The following MAP4K5 variants were observed in gnomAD, a reference collection of about 807,000 sequenced individuals.
MAP4K5 encodes the protein mitogen-activated protein kinase kinase kinase kinase 5.
Under a neutral mutation model 135.6 loss-of-function variants are expected in MAP4K5, and 82 were observed. The observed-to-expected ratio is 0.60, with a 90% confidence interval of 0.51 to 0.73. The LOEUF is 0.73. Ranked by LOEUF, MAP4K5 falls within the 30% of genes least tolerant of loss-of-function variation. MAP4K5 has a pLI of 0.00. For synonymous variants in MAP4K5, 347 were observed against 335.0 expected (o/e 1.04, Z -0.39); for missense variants, 907 against 1,010.9 (o/e 0.90, Z 1.39).
At chr14:50,453,940 T>A (rs2036545851) in intron 14 of MAP4K5, among the ~76,000 whole-genome samples, 1 of 152,136 alleles carries the variant, frequency 6.6e-6, no homozygotes, top group Non-Finnish European at 1.5e-5. Context: ...ACTGATTGGG[T>A]GTGATTCATA....
rs1490412003 is a variant in MAP4K5, at chr14:50,546,762, A to G, written c.-179-4178T>C. ...TTGTGTGGTTTTTTTGACAAATAAG[A>G]CTAATTTAATATAGTTGGTTCAATG... is the stretch of plus-strand genomic sequence containing the variant. On this transcript the variant is annotated intron_variant, in intron 1 of 8. Transcript: ENST00000555216. 2.0e-5 allele frequency among the ~76,000 whole-genome samples: 3 copies of G among 152,160 alleles called. 1 individual carries two copies. Among genetic ancestry groups the G allele is most frequent in the African/African-American group, 7.2e-5 (3 of 41,422 alleles).
intron 2 of MAP4K5, among the ~76,000 whole-genome samples, chr14:50,509,872 GA>G (rs2037895381): frequency 2.0e-5 from 3 of 152,030 alleles, no homozygotes; most frequent in African/African-American, 7.2e-5. Context: ...AAACATCTTT[GA>G]ACATACAGTA....
Position 50,508,758 on chromosome 14 carries a change from T to C in MAP4K5, c.109-3901A>G, listed in dbSNP as rs139339884. Among the ~76,000 whole-genome samples, 41 of 150,456 alleles carry C rather than the reference T, an allele frequency of 2.7e-4. No individual in the cohort carries two copies. The East Asian group carries it at 4.9e-3, about 18-fold the overall frequency. ...AGATGCTGGTGAGGATGTGGAGAAA[T>C]AGAAACACTTTGACACTGTTGGTGG... On this transcript the variant is annotated intron_variant, in intron 2 of 32. Coordinates refer to ENST00000682126, the MANE Select transcript of MAP4K5 (RefSeq NM_006575.6).
chr14:50,478,068 A>G (rs1375870288), intron 6 of MAP4K5, among the ~76,000 whole-genome samples: 1 of 152,110 alleles, frequency 6.6e-6, no homozygotes, highest in Non-Finnish European at 1.5e-5. Flanking sequence ...AATTTACTGT[A>G]TGGCATCATC....
chr14:50,560,500 G>A, intron 1 of MAP4K5: 1 of 671,060 alleles, frequency 1.5e-6, no homozygotes, highest in Non-Finnish European at 2.6e-6. Context: ...GCGCTGTCGG[G>A]GTGAGGGCTG....
intron 26 of MAP4K5, among the ~76,000 whole-genome samples, chr14:50,435,632 C>T (rs978621436): frequency 6.6e-6 from 1 of 151,846 alleles, no homozygotes; most frequent in Admixed American, 6.6e-5. Flanking sequence ...TTGGCCTCCC[C>T]AAAAAGTTGT....
At chr14:50,427,799 C>T (rs955838135) in intron 30 of MAP4K5, among the ~76,000 whole-genome samples, 5 of 152,034 alleles carry the variant, frequency 3.3e-5, no homozygotes, top group Non-Finnish European at 4.4e-5. Context: ...GTAAAACATT[C>T]GTTGACAAGG....
At chr14:50,551,115 T>C (rs1259626934) in intron 1 of MAP4K5, among the ~76,000 whole-genome samples, 3 of 151,866 alleles carry the variant, frequency 2.0e-5, no homozygotes, top group Admixed American at 2.0e-4. Flanking sequence ...ATAAACAAAA[T>C]TGATAGACCA....
Position 50,560,285 on chromosome 14 carries a change from A to G in MAP4K5, c.-180+755T>C, listed in dbSNP as rs759476841. Reference sequence around the variant, plus strand: ...ACCACCATGGCCAAGAACCGCAGGGACAGAAACAGTTGGGGTGAGTAGCAA... The same window carrying G: ...ACCACCATGGCCAAGAACCGCAGGGGCAGAAACAGTTGGGGTGAGTAGCAA... On this transcript the variant is annotated intron_variant, in intron 1 of 8. Transcript: ENST00000555216. 10 of 1,614,042 alleles carry G rather than the reference A, an allele frequency of 6.2e-6. 1 individual carries two copies. In the South Asian group the frequency reaches 9.9e-5, roughly 16 times the overall value.
chr14:50,485,877 A>G (rs1804677278), intron 4 of MAP4K5: 1 of 533,736 alleles, frequency 1.9e-6, no homozygotes, highest in South Asian at 2.9e-5. Flanking sequence ...ACTTGTAATC[A>G]CTTATGTTTC....
At chr14:50,520,681 T>C (rs1207280428) in intron 2 of MAP4K5, among the ~76,000 whole-genome samples, 2 of 152,154 alleles carry the variant, frequency 1.3e-5, no homozygotes, top group Non-Finnish European at 2.9e-5. Flanking sequence ...ACTCAGTTAA[T>C]TAACAATAAA....
At chr14:50,515,148 C>G (rs970869168) in intron 2 of MAP4K5, among the ~76,000 whole-genome samples, 1 of 152,084 alleles carries the variant, frequency 6.6e-6, no homozygotes, top group Non-Finnish European at 1.5e-5. Flanking sequence ...GTGATCTGCC[C>G]GCCTTGGCCT....
chr14:50,532,299 C>T (rs1338260000), intron 1 of MAP4K5, 141 bp from the exon 2 acceptor site: 19 of 431,400 alleles, frequency 4.4e-5, no homozygotes, highest in African/African-American at 6.3e-5. Context: ...CCCCGGCGCC[C>T]CGTATCCCCG....
At chr14:50,512,239 T>C (rs1447220049) in intron 2 of MAP4K5, among the ~76,000 whole-genome samples, 2 of 152,128 alleles carry the variant, frequency 1.3e-5, no homozygotes, top group Non-Finnish European at 2.9e-5. Flanking sequence ...AAAGATAAAT[T>C]ATTTTTGAAA....
intron 2 of MAP4K5, among the ~76,000 whole-genome samples, chr14:50,530,305 T>C (rs1037481378): frequency 5.9e-5 from 9 of 152,196 alleles, no homozygotes; most frequent in African/African-American, 1.9e-4. Context: ...TTGCTTTTTC[T>C]CAGGCATGAA....
At chr14:50,491,893 C>T (rs1003961575) in intron 3 of MAP4K5, among the ~76,000 whole-genome samples, 1 of 151,906 alleles carries the variant, frequency 6.6e-6, no homozygotes, top group African/African-American at 2.4e-5. Context: ...TGCCATGTTG[C>T]CCAGGCTGGT....
chr14:50,518,566 G>A (rs988717933), intron 2 of MAP4K5, among the ~76,000 whole-genome samples: 6 of 152,154 alleles, frequency 3.9e-5, no homozygotes, highest in Middle Eastern at 3.2e-3. Flanking sequence ...GTCTGGACAG[G>A]TGCTTCCTAT....
rs770271335 is a variant in MAP4K5 at position 50,420,085 on chromosome 14, C to T, written c.2475G>A (p.Arg825=). ...TGTGTGCAGTAGGATTTTCTGTTGG[C>T]CTACTTTCCAAAACGACAACCCTGT... is the stretch of plus-strand genomic sequence containing the variant. ...GSDRVVVLES[R]PTENPTAHSN... is the part of the protein sequence containing the mutation. Residue 825 remains arginine, a synonymous_variant, in exon 33 of 33, where the codon AGG becomes AGA. Transcript: ENST00000682126. The T allele has an allele frequency of 1.9e-6, 3 of 1,609,698 alleles. No individual in the cohort carries two copies. The highest frequency in any genetic ancestry group is 4.5e-5 in the East Asian group (2 of 44,836).
intron 2 of MAP4K5, among the ~76,000 whole-genome samples, chr14:50,509,468 A>G (rs2037884653): frequency 6.6e-6 from 1 of 152,216 alleles, no homozygotes; most frequent in African/African-American, 2.4e-5. Context: ...GCAATATACT[A>G]ATCCTCTTTC....
Sources: gnomAD v4.1 joint callset for allele counts (sites outside exome capture counted in the v4.1 genomes callset) on GRCh38, gnomAD v4.1.1 for gene constraint, MANE v1.5 for transcripts, NCBI Gene and HGNC (gene_info 2026-07-23, HGNC 2026-07-21) for gene names.